LAMA2: variants seen among roughly 807,000 people sequenced by gnomAD.
LAMA2 encodes the protein laminin subunit alpha-2.
Under a neutral mutation model 364.8 loss-of-function variants are expected in LAMA2, and 269 were observed. The ratio of observed to expected loss-of-function variants is 0.74; its 90% confidence interval spans 0.67 to 0.82. The LOEUF (loss-of-function observed/expected upper bound fraction) is 0.82. LAMA2 is among the 40% of genes least tolerant of loss of function. LAMA2 has a pLI of 0.00. For synonymous variants in LAMA2, 1,379 were observed against 1,370.6 expected (o/e 1.01, Z -0.14); for missense variants, 3,807 against 3,873.2 (o/e 0.98, Z 0.45).
intron 37 of LAMA2, among the ~76,000 whole-genome samples, chr6:129,397,092 A>AAAAG (rs912681557): frequency 6.6e-6 from 1 of 152,108 alleles, no homozygotes; most frequent in African/African-American, 2.4e-5. Context: ...ACACCAAAAA[A>AAAAG]AAAGAAAGAA....
Position 129,393,263 on chromosome 6 carries a change from T to G in LAMA2, c.5445+8T>G. ...AACATGACTGCATTGGAGGTGAGTCTTAGGGGCACTTTTATCTTAATCTCA... is the reference window on the plus strand; with the variant it reads ...AACATGACTGCATTGGAGGTGAGTCGTAGGGGCACTTTTATCTTAATCTCA... On this transcript the variant is annotated splice_region_variant and intron_variant, in intron 37 of 64. Transcript: ENST00000421865. 2 of 1,600,462 alleles carry G rather than the reference T, an allele frequency of 1.2e-6. No homozygotes were observed. Among genetic ancestry groups the G allele is most frequent in the South Asian group, 1.1e-5 (1 of 90,760 alleles).
intron 22 of LAMA2, among the ~76,000 whole-genome samples, chr6:129,309,408 T>A (rs1008145951): frequency 6.6e-6 from 1 of 152,360 alleles, no homozygotes; most frequent in South Asian, 2.1e-4. Context: ...AAGGTCCCAA[T>A]GTCTATTTGT....
At chr6:129,239,044 G>GT (rs1785214919) in intron 12 of LAMA2, among the ~76,000 whole-genome samples, 1 of 152,108 alleles carries the variant, frequency 6.6e-6, no homozygotes, top group Non-Finnish European at 1.5e-5. Flanking sequence ...TTTGGAGATT[G>GT]TTTTACATAA....
At chr6:129,038,783 G>T (rs2114749605) in intron 1 of LAMA2, among the ~76,000 whole-genome samples, 1 of 152,302 alleles carries the variant, frequency 6.6e-6, no homozygotes, top group South Asian at 2.1e-4. Context: ...GTAGGACACT[G>T]CATACCCTCA....
intron 30 of LAMA2, among the ~76,000 whole-genome samples, chr6:129,343,902 A>C (rs1776403927): frequency 6.6e-6 from 1 of 152,208 alleles, no homozygotes; most frequent in Non-Finnish European, 1.5e-5. Flanking sequence ...GAATAGTAGG[A>C]AATTATATGG....
At position 129,516,394 on chromosome 6, in the gene LAMA2, C is replaced by T. The variant is rs758527299; in HGVS notation, c.*47C>T. The T allele has an allele frequency of 1.3e-6, 2 of 1,556,552 alleles. No homozygotes were observed. Among genetic ancestry groups the T allele is most frequent in the Non-Finnish European group, 1.8e-6 (2 of 1,133,594 alleles). On this transcript the variant is annotated 3_prime_UTR_variant, in exon 65 of 65. Transcript: ENST00000421865. ...GAAGAGTCTGTCAAAACAAGTATAT[C>T]AAGTAAAACAAACAAATATATTTTA...
intron 1 of LAMA2, among the ~76,000 whole-genome samples, chr6:128,948,892 G>T: frequency 6.6e-6 from 1 of 152,120 alleles, no homozygotes; most frequent in East Asian, 1.9e-4. Context: ...CATGGTTCCT[G>T]TACAGCCTGC....
At chr6:129,430,686 C>A (rs992864926) in intron 41 of LAMA2, among the ~76,000 whole-genome samples, 2 of 151,968 alleles carry the variant, frequency 1.3e-5, no homozygotes, top group African/African-American at 4.8e-5. Context: ...TTTTTAAGGC[C>A]GGGCGCAGTG....
At chr6:129,446,870 C>T (rs952638866) in intron 45 of LAMA2, among the ~76,000 whole-genome samples, 1 of 151,738 alleles carries the variant, frequency 6.6e-6, no homozygotes, top group Non-Finnish European at 1.5e-5. Flanking sequence ...AAGGAATTCA[C>T]GACTGACTGA....
intron 1 of LAMA2, among the ~76,000 whole-genome samples, chr6:128,953,228 C>T (rs574467219): frequency 6.6e-6 from 1 of 152,152 alleles, no homozygotes; most frequent in East Asian, 1.9e-4. Flanking sequence ...GATCACTGTC[C>T]CTCTAATTGA....
At chr6:129,259,770 A>G (rs1424471537) in intron 14 of LAMA2, among the ~76,000 whole-genome samples, 1 of 152,046 alleles carries the variant, frequency 6.6e-6, no homozygotes, top group African/African-American at 2.4e-5. Context: ...TCTCCATTGT[A>G]TAGAAGAAAA....
chr6:128,974,944 C>T (rs1384934058), intron 1 of LAMA2, among the ~76,000 whole-genome samples: 4 of 151,572 alleles, frequency 2.6e-5, no homozygotes, highest in East Asian at 3.9e-4. Flanking sequence ...CTCCGCCTCA[C>T]GGGTTCACGC....
chr6:129,155,630 A>G (rs1378079362), intron 8 of LAMA2, among the ~76,000 whole-genome samples: 1 of 152,126 alleles, frequency 6.6e-6, no homozygotes, highest in Non-Finnish European at 1.5e-5. Flanking sequence ...CCAGATTTAT[A>G]TGGTTAACCT....
At chr6:128,931,485 T>A (rs140241446) in intron 1 of LAMA2, among the ~76,000 whole-genome samples, 1 of 152,352 alleles carries the variant, frequency 6.6e-6, no homozygotes, top group African/African-American at 2.4e-5. Flanking sequence ...CGTTTTTTTC[T>A]TCAGAAATCA....
At chr6:129,324,884 A>G (rs546938358) in intron 28 of LAMA2, among the ~76,000 whole-genome samples, 106 of 152,356 alleles carry the variant, frequency 7.0e-4, no homozygotes, top group African/African-American at 2.4e-3. Flanking sequence ...ATATTCCTAC[A>G]TTCCAGGTGA....
intron 22 of LAMA2, among the ~76,000 whole-genome samples, chr6:129,309,447 CT>C (rs1051767364): frequency 2.0e-5 from 3 of 152,130 alleles, no homozygotes; most frequent in African/African-American, 7.2e-5. Flanking sequence ...AAAATTCATG[CT>C]TTGGTTTTAT....
Position 129,192,808 on chromosome 6 carries a change from G to T in LAMA2, c.1737G>T (p.Pro579=), listed in dbSNP as rs149000261. 26 of 1,614,162 alleles carry T rather than the reference G, an allele frequency of 1.6e-5. No individual in the cohort carries two copies. Among genetic ancestry groups the T allele is most frequent in the Middle Eastern group, 3.3e-4 (2 of 6,062 alleles). ...ACGCGGAGGCCCGGCAAGCCCTGCCGCACAGCTACTACTGGAGCGCGCCGG... is the reference window on the plus strand; with the variant it reads ...ACGCGGAGGCCCGGCAAGCCCTGCCTCACAGCTACTACTGGAGCGCGCCGG... ...ISNAEARQAL[P]HSYYWSAPAP... Residue 579 remains proline (P), a synonymous_variant, in exon 12 of 65, where the codon CCG becomes CCT. Transcript: ENST00000421865.
At chr6:129,443,307 G>A (rs1182425710) in intron 44 of LAMA2, among the ~76,000 whole-genome samples, 1 of 152,154 alleles carries the variant, frequency 6.6e-6, no homozygotes, top group East Asian at 1.9e-4. Flanking sequence ...AGTTTGGTCA[G>A]GCGAAGTGGC....
intron 28 of LAMA2, among the ~76,000 whole-genome samples, chr6:129,321,980 C>T (rs752199562): frequency 2.6e-5 from 4 of 152,194 alleles, no homozygotes; most frequent in Non-Finnish European, 5.9e-5. Context: ...TTTACCTATA[C>T]ATCCTAAGGA....
Sources: allele counts gnomAD v4.1 joint callset (sites outside exome capture counted in the v4.1 genomes callset), GRCh38; gene constraint gnomAD v4.1.1; transcripts MANE v1.5; gene names NCBI Gene and HGNC (gene_info 2026-07-23, HGNC 2026-07-21).